PCDHA2: variants seen among roughly 807,000 people sequenced by gnomAD.
PCDHA2 encodes the protein protocadherin alpha-2.
Under a neutral mutation model 66.0 loss-of-function variants are expected in PCDHA2, and 58 were observed. The observed-to-expected ratio is 0.88, with a 90% CI of 0.71 to 1.09. PCDHA2 has a LOEUF of 1.09. Ranked by LOEUF, PCDHA2 falls within the 50% of genes least tolerant of loss-of-function variation. PCDHA2 has a pLI of 0.00. For missense variants in PCDHA2, 1,267 were observed against 1,242.3 expected, an observed-to-expected ratio of 1.02 and a Z score of -0.30; for synonymous variants, 634 against 554.0, an observed-to-expected ratio of 1.14 and a Z score of -2.03.
At chr5:140,986,583 T>C (rs1265983211) in intron 3 of PCDHA2, among the ~76,000 whole-genome samples, 1 of 152,170 alleles carries the variant, frequency 6.6e-6, no homozygotes, top group African/African-American at 2.4e-5. Flanking sequence ...TTTTTCCAGC[T>C]CCTCTTTCTA....
chr5:140,859,471 T>TAG, intron 1 of PCDHA2: 1 of 211,266 alleles, frequency 4.7e-6, no homozygotes, highest in Non-Finnish European at 9.2e-6. Context: ...ACACTATCAA[T>TAG]TGTGTTTTCC....
rs2066634766 is a variant in PCDHA2, at chr5:140,898,278, G to A, written c.2389-80671G>A. The stretch of plus-strand genomic sequence containing the variant: ...AAGTCCTTGCCCATGCCTAAGTTCT[G>A]AATGGTAATGCCTAGGTTTTCTTCT... On this transcript the variant is annotated intron_variant, in intron 1 of 3. Transcript: ENST00000526136. Among the ~76,000 whole-genome samples, 8 of 152,194 alleles carry A rather than the reference G, an allele frequency of 5.3e-5. No individual in the cohort carries two copies. The South Asian group carries it at 1.7e-3, about 31-fold the overall frequency.
At position 140,836,540 on chromosome 5, in the gene PCDHA2, G is replaced by A. The variant is rs2150263388; in HGVS notation, c.2388+39188G>A. On this transcript the variant is annotated intron_variant, in intron 1 of 3. Transcript: ENST00000526136. ...TGGTGCTTACCCTGCTGCTGTACAC[G>A]GCGTTGCGGTGCTCAGCGCCGTCCT... 4,283 of 1,613,776 alleles carry A rather than the reference G, an allele frequency of 2.7e-3. 131 individuals carry two copies. The African/African-American group carries it at 0.05, about 19-fold the overall frequency.
chr5:140,801,818 G>T, intron 1 of PCDHA2: 3 of 1,614,078 alleles, frequency 1.9e-6, no homozygotes, highest in Non-Finnish European at 2.5e-6. Flanking sequence ...ACACTCCTAA[G>T]CATTATTTAC....
chr5:140,804,940 C>T (rs1188408361), intron 1 of PCDHA2: 3 of 1,197,384 alleles, frequency 2.5e-6, no homozygotes, highest in East Asian at 5.6e-5. Context: ...TCCTTTGTTG[C>T]TCCCTTGTCC....
At chr5:140,950,082 A>G (rs2094448240) in intron 1 of PCDHA2, among the ~76,000 whole-genome samples, 1 of 151,916 alleles carries the variant, frequency 6.6e-6, no homozygotes, top group South Asian at 2.1e-4. Flanking sequence ...TGCTTATGCT[A>G]TAGTTTTCAT....
At chr5:140,919,552 T>C (rs2079193484) in intron 1 of PCDHA2, among the ~76,000 whole-genome samples, 1 of 152,224 alleles carries the variant, frequency 6.6e-6, no homozygotes, top group South Asian at 2.1e-4. Context: ...ATTTACTGAT[T>C]TATATTAAGT....
rs1423336381 is a variant in PCDHA2 at position 140,796,784 on chromosome 5, T to C, written c.1820T>C (p.Leu607Pro). Residue 607 changes from leucine (L) to proline (P), a missense_variant, in exon 1 of 4, where the codon CTT (leucine) becomes CCT (proline). Leu to Pro is a moderately conservative substitution (Grantham distance 98, BLOSUM62 -3). Coordinates refer to ENST00000526136, the MANE Select transcript of PCDHA2 (RefSeq NM_018905.3). ...VDADSGYNAW[L>P]SYELQLGTGS... ...GCTGACTCAGGCTACAACGCGTGGCTTTCGTACGAGCTTCAGCTGGGTACT... is the reference window on the plus strand; with the variant it reads ...GCTGACTCAGGCTACAACGCGTGGCCTTCGTACGAGCTTCAGCTGGGTACT... 16 of 1,614,028 alleles carry C rather than the reference T, an allele frequency of 9.9e-6. No homozygotes were observed. The highest frequency in any genetic ancestry group is 4.5e-5 in the East Asian group (2 of 44,884).
chr5:140,959,300 C>T (rs887685405), intron 1 of PCDHA2, among the ~76,000 whole-genome samples: 11 of 151,854 alleles, frequency 7.2e-5, no homozygotes, highest in African/African-American at 2.7e-4. Flanking sequence ...TCACTGAGCC[C>T]GGTGGTTGAA....
chr5:140,850,192 T>C lies in PCDHA2; in HGVS notation c.2388+52840T>C. 1.3e-6 allele frequency: 2 copies of C among 1,593,512 alleles called. 1 individual carries two copies. The highest frequency in any genetic ancestry group is 1.7e-6 in the Non-Finnish European group (2 of 1,167,634). On this transcript the variant is annotated intron_variant, in intron 1 of 3. Transcript: ENST00000526136. ...GAGAACGACAATGCGCCGGCGCTGC[T>C]GACACCTCGGATGAGGGGCACTGAC...
At chr5:140,977,978 G>A (rs1401757319) in intron 1 of PCDHA2, among the ~76,000 whole-genome samples, 2 of 152,048 alleles carry the variant, frequency 1.3e-5, no homozygotes, top group Non-Finnish European at 2.9e-5. Flanking sequence ...CCATGAAAAC[G>A]CATCTAGAGG....
chr5:140,808,018 T>C, intron 1 of PCDHA2: 1 of 1,613,878 alleles, frequency 6.2e-7, no homozygotes. Flanking sequence ...ATGGGGACAT[T>C]GTTTATTCAT....
intron 1 of PCDHA2, among the ~76,000 whole-genome samples, chr5:140,953,492 G>T (rs542677103): frequency 6.6e-6 from 1 of 152,188 alleles, no homozygotes; most frequent in East Asian, 1.9e-4. Context: ...TCACAACCTT[G>T]ATCAGCTATT....
intron 1 of PCDHA2, chr5:140,843,199 G>C (rs2150355178): frequency 6.3e-7 from 1 of 1,596,082 alleles, no homozygotes; most frequent in South Asian, 1.1e-5. Flanking sequence ...GCGTGGGGCT[G>C]TACACGGGCG....
chr5:140,949,111 T>C (rs1316111436), intron 1 of PCDHA2, among the ~76,000 whole-genome samples: 1 of 151,772 alleles, frequency 6.6e-6, no homozygotes, highest in African/African-American at 2.4e-5. Context: ...AGTTTACAAA[T>C]ATTTTTGGTT....
chr5:140,857,527 G>T (rs147361555), intron 1 of PCDHA2: 13 of 1,597,684 alleles, frequency 8.1e-6, no homozygotes, highest in Non-Finnish European at 1.1e-5. Flanking sequence ...CCTACTCTCT[G>T]GTGGAGCGGC....
intron 1 of PCDHA2, among the ~76,000 whole-genome samples, chr5:140,845,914 T>C (rs1554141062): frequency 1.3e-5 from 2 of 149,758 alleles, no homozygotes; most frequent in African/African-American, 2.4e-5. Context: ...ATATTAATCT[T>C]ATTTTTGTGT....
At chr5:140,877,839 A>G (rs2057367244) in intron 1 of PCDHA2, 12 of 1,582,068 alleles carry the variant, frequency 7.6e-6, no homozygotes, top group Non-Finnish European at 9.4e-6. Flanking sequence ...CTCCCAGTGA[A>G]GTAAGTTATT....
Position 140,803,378 on chromosome 5 carries a change from AACCGAAGGC to A in PCDHA2, c.2388+6027_2388+6035del, listed in dbSNP as rs1554122767. 3.1e-6 allele frequency: 5 copies of A among 1,614,214 alleles called. 1 individual carries two copies. The South Asian group carries it at 5.5e-5, about 18-fold the overall frequency. Reference sequence around the variant, plus strand: ...CTGCTCTGCGGTGCTCCGCGCCGCCAACCGAAGGCGACTGTGGGCCGGGCAAGCCCACGC... The same window carrying A: ...CTGCTCTGCGGTGCTCCGCGCCGCCAGACTGTGGGCCGGGCAAGCCCACGC... On this transcript the variant is annotated intron_variant, in intron 1 of 3. Coordinates refer to ENST00000526136, the MANE Select transcript of PCDHA2 (RefSeq NM_018905.3).
Sources: gnomAD v4.1 joint callset for allele counts (sites outside exome capture counted in the v4.1 genomes callset) on GRCh38, gnomAD v4.1.1 for gene constraint, MANE v1.5 for transcripts, NCBI Gene and HGNC (gene_info 2026-07-23, HGNC 2026-07-21) for gene names.